Variants in PTPRM observed in about 807,000 individuals in gnomAD.
The protein encoded by PTPRM is receptor-type tyrosine-protein phosphatase mu.
PTPRM carries 47 observed loss-of-function variants against 186.7 expected under a neutral mutation model. That is an observed-to-expected ratio of 0.25 (90% CI 0.20 to 0.32). The LOEUF (loss-of-function observed/expected upper bound fraction) is 0.32. Ranked by LOEUF, PTPRM falls within the 10% of genes least tolerant of loss-of-function variation. The pLI is 1.00. For synonymous variants in PTPRM, 668 were observed against 674.9 expected, an observed-to-expected ratio of 0.99 and a Z score of 0.16; for missense variants, 1,494 against 1,865.0, an observed-to-expected ratio of 0.80 and a Z score of 3.66.
chr18:8,085,979 A>G (rs993709633), intron 10 of PTPRM, 107 bp downstream of exon 10: 7 of 1,049,022 alleles, frequency 6.7e-6, no homozygotes, highest in Admixed American at 5.7e-5. Flanking sequence ...ATTGTATCCA[A>G]AGGAATACTC....
chr18:7,872,922 A>G (rs16952603), intron 2 of PTPRM, among the ~76,000 whole-genome samples: 9,338 of 152,298 alleles, frequency 0.061, 440 homozygotes, highest in African/African-American at 0.12. Context: ...TTATTGCATT[A>G]GGAAGCAACA....
chr18:7,844,053 C>T (rs2046475291), intron 2 of PTPRM, among the ~76,000 whole-genome samples: 1 of 152,184 alleles, frequency 6.6e-6, no homozygotes, highest in Non-Finnish European at 1.5e-5. Flanking sequence ...TGCTGCACTG[C>T]CGTTCATGAC....
At chr18:8,295,479 C>A (rs1480102614) in intron 19 of PTPRM, among the ~76,000 whole-genome samples, 2 of 152,034 alleles carry the variant, frequency 1.3e-5, no homozygotes, top group African/African-American at 2.4e-5. Flanking sequence ...GTTCTCTGGC[C>A]CCAAAGCGTT....
At chr18:8,222,043 A>G (rs1178736024) in intron 14 of PTPRM, among the ~76,000 whole-genome samples, 1 of 152,228 alleles carries the variant, frequency 6.6e-6, no homozygotes, top group Admixed American at 6.5e-5. Flanking sequence ...CTCTGAGCCT[A>G]CTTTGGCTTG....
intron 1 of PTPRM, among the ~76,000 whole-genome samples, chr18:7,659,074 A>G (rs2038919588): frequency 6.6e-6 from 1 of 151,110 alleles, no homozygotes; most frequent in African/African-American, 2.4e-5. Flanking sequence ...TTCTTATTTG[A>G]TGACCATATT....
intron 1 of PTPRM, among the ~76,000 whole-genome samples, chr18:7,662,533 TAG>T (rs763811645): frequency 1.3e-5 from 2 of 151,848 alleles, no homozygotes; most frequent in Admixed American, 6.6e-5. Context: ...TTCATGGAAA[TAG>T]AGAGTAGGAC....
chr18:7,988,598 A>G (rs1351853370), intron 7 of PTPRM, among the ~76,000 whole-genome samples: 4 of 152,048 alleles, frequency 2.6e-5, no homozygotes, highest in African/African-American at 9.7e-5. Flanking sequence ...GACAACTTTT[A>G]TTCTATTTTC....
At chr18:8,185,919 C>G (rs150187252) in intron 14 of PTPRM, among the ~76,000 whole-genome samples, 1 of 152,306 alleles carries the variant, frequency 6.6e-6, no homozygotes, top group African/African-American at 2.4e-5. Context: ...ATACACAGTC[C>G]TGTTCCCCAG....
At chr18:8,304,821 AT>A (rs34216473) in intron 20 of PTPRM, among the ~76,000 whole-genome samples, 92,895 of 131,210 alleles carry the variant, frequency 0.71, 33,047 homozygotes, top group Non-Finnish European at 0.81. Flanking sequence ...TGTTGACTTT[AT>A]TTTTTTTTTT....
At chr18:8,308,823 A>C (rs1363141877) in intron 20 of PTPRM, among the ~76,000 whole-genome samples, 4 of 152,218 alleles carry the variant, frequency 2.6e-5, no homozygotes, top group Non-Finnish European at 5.9e-5. Flanking sequence ...AATTAAATTA[A>C]AATTTCAGTT....
chr18:7,753,860 T>C (rs936166416), intron 1 of PTPRM, among the ~76,000 whole-genome samples: 1 of 152,054 alleles, frequency 6.6e-6, no homozygotes, highest in African/African-American at 2.4e-5. Flanking sequence ...TTTTTTTGGC[T>C]GTCTACACAT....
chr18:8,399,487 T>C (rs947220987), intron 32 of PTPRM, among the ~76,000 whole-genome samples: 4 of 152,168 alleles, frequency 2.6e-5, no homozygotes, highest in Non-Finnish European at 5.9e-5. Context: ...GTGAATTATA[T>C]CTCAACAAAG....
chr18:7,806,153 G>A (rs1031379779), intron 2 of PTPRM, among the ~76,000 whole-genome samples: 2 of 152,108 alleles, frequency 1.3e-5, no homozygotes, highest in African/African-American at 4.8e-5. Flanking sequence ...CTGGGCCCTA[G>A]CTTTCCCTTT....
intron 19 of PTPRM, 87 bp downstream of exon 19, chr18:8,253,501 G>C (rs1244002024): frequency 5.1e-5 from 62 of 1,218,294 alleles, no homozygotes; most frequent in Non-Finnish European, 6.4e-5. Flanking sequence ...CAGAAAGCCA[G>C]AGAAAACCCC....
At chr18:8,139,897 T>C (rs542032418) in intron 13 of PTPRM, among the ~76,000 whole-genome samples, 15 of 152,348 alleles carry the variant, frequency 9.8e-5, no homozygotes, top group African/African-American at 3.4e-4. Flanking sequence ...TTAAGTTCCA[T>C]GAGGTCAGAA....
At chr18:8,336,365 C>T (rs2095438856) in intron 22 of PTPRM, among the ~76,000 whole-genome samples, 2 of 152,084 alleles carry the variant, frequency 1.3e-5, no homozygotes, top group South Asian at 4.2e-4. Context: ...TACAAACCAG[C>T]CCGGGCAACA....
intron 19 of PTPRM, among the ~76,000 whole-genome samples, chr18:8,265,899 G>A (rs76431951): frequency 2.1e-3 from 313 of 152,228 alleles, no homozygotes; most frequent in Non-Finnish European, 3.8e-3. Context: ...TTTCATGGGC[G>A]TATTCTCATG....
In PTPRM at chr18:7,630,567, A is replaced by T. The variant is rs2038167903; in HGVS notation, c.73+62676A>T. 6.6e-5 allele frequency among the ~76,000 whole-genome samples: 10 copies of T among 152,184 alleles called. No individual in the cohort carries two copies. In the South Asian group the frequency reaches 2.1e-3, roughly 31 times the overall value. ...CAACGTGGAAGGGAGGTTTTTAAAC[A>T]TTTTTAAAAGATGGAGTAGCCTTTT... On this transcript the variant is annotated intron_variant, in intron 1 of 32. Coordinates refer to ENST00000580170, the MANE Select transcript of PTPRM (RefSeq NM_001105244.2).
At chr18:7,711,733 G>A (rs192676340) in intron 1 of PTPRM, among the ~76,000 whole-genome samples, 56 of 152,252 alleles carry the variant, frequency 3.7e-4, no homozygotes, top group African/African-American at 1.2e-3. Flanking sequence ...CCAATGGGGC[G>A]GAGGCCTCCA....
Sources: allele counts gnomAD v4.1 joint callset (sites outside exome capture counted in the v4.1 genomes callset), GRCh38; gene constraint gnomAD v4.1.1; transcripts MANE v1.5; gene names NCBI Gene and HGNC (gene_info 2026-07-23, HGNC 2026-07-21).